The following SLC24A3 variants were observed in gnomAD, a reference collection of about 807,000 sequenced individuals.
SLC24A3 encodes the protein solute carrier family 24 member 3.
Under a neutral mutation model 75.8 loss-of-function variants are expected in SLC24A3, and 28 were observed. The observed-to-expected ratio is 0.37, with a 90% confidence interval of 0.27 to 0.51. The LOEUF (loss-of-function observed/expected upper bound fraction) is 0.51. SLC24A3 is among the 20% of genes least tolerant of loss of function. The probability of loss-of-function intolerance (pLI) is 0.94; values close to 1 mark genes in which losing one functional copy is unlikely to be tolerated. For synonymous variants in SLC24A3, 372 were observed against 334.1 expected, an observed-to-expected ratio of 1.11 and a Z score of -1.24; for missense variants, 663 against 847.8, an observed-to-expected ratio of 0.78 and a Z score of 2.71.
At chr20:19,634,213 T>A (rs2031972271) in intron 6 of SLC24A3, among the ~76,000 whole-genome samples, 1 of 152,240 alleles carries the variant, frequency 6.6e-6, no homozygotes. Flanking sequence ...GAAATGCTTA[T>A]TATCAAAGCA....
At chr20:19,617,564 T>C (rs2031752196) in intron 6 of SLC24A3, among the ~76,000 whole-genome samples, 1 of 152,204 alleles carries the variant, frequency 6.6e-6, no homozygotes, top group Non-Finnish European at 1.5e-5. Flanking sequence ...GACTTTTGTT[T>C]CAGGGAAGAT....
intron 2 of SLC24A3, among the ~76,000 whole-genome samples, chr20:19,457,287 A>C (rs1052011640): frequency 6.6e-6 from 1 of 152,178 alleles, no homozygotes; most frequent in Non-Finnish European, 1.5e-5. Context: ...CATTTGCTGC[A>C]TAACCTGGGG....
chr20:19,232,436 A>G (rs1460582605), intron 1 of SLC24A3, among the ~76,000 whole-genome samples: 1 of 152,250 alleles, frequency 6.6e-6, no homozygotes, highest in Non-Finnish European at 1.5e-5. Flanking sequence ...ATTTGAAATA[A>G]AGGTCACTGA....
At position 19,591,722 on chromosome 20, in the gene SLC24A3, A is replaced by T. The variant is rs112758711; in HGVS notation, c.612+6178A>T. Among the ~76,000 whole-genome samples, 385 of 152,300 alleles carry T rather than the reference A, an allele frequency of 2.5e-3. 4 individuals are homozygous for T. The highest frequency in any genetic ancestry group is 0.014 in the Middle Eastern group (4 of 294). On this transcript the variant is annotated intron_variant, in intron 6 of 16. Transcript: ENST00000328041. ...ACTAGTTACTCAATTGGTTTAGGTT[A>T]ATCAAGAACCACATACCCATTTCTC...
chr20:19,665,926 T>C, intron 8 of SLC24A3, 37 bp downstream of exon 8: 1 of 1,608,046 alleles, frequency 6.2e-7, no homozygotes, highest in African/African-American at 1.3e-5. Context: ...TTTCTGAATG[T>C]TATGTTGCAG....
intron 2 of SLC24A3, among the ~76,000 whole-genome samples, chr20:19,297,706 T>C (rs1984094266): frequency 1.3e-5 from 2 of 152,244 alleles, no homozygotes; most frequent in African/African-American, 4.8e-5. Context: ...CATGTATTTC[T>C]CTTCAGGAAA....
At chr20:19,713,599 T>C (rs1224922486) in intron 15 of SLC24A3, among the ~76,000 whole-genome samples, 1 of 151,968 alleles carries the variant, frequency 6.6e-6, no homozygotes, top group East Asian at 1.9e-4. Context: ...AGGTGGAGGG[T>C]AAAGTCAGAC....
intron 6 of SLC24A3, among the ~76,000 whole-genome samples, chr20:19,618,964 C>T (rs1216859022): frequency 2.0e-5 from 3 of 152,272 alleles, no homozygotes; most frequent in Non-Finnish European, 2.9e-5. Flanking sequence ...TGTAAAACCA[C>T]GGCAGGGTGA....
At chr20:19,239,134 AAAAAC>A (rs1982258794) in intron 1 of SLC24A3, among the ~76,000 whole-genome samples, 1 of 151,632 alleles carries the variant, frequency 6.6e-6, no homozygotes, top group African/African-American at 2.4e-5. Context: ...AAAAAAAAAA[AAAAAC>A]AACACAGAGT....
intron 3 of SLC24A3, among the ~76,000 whole-genome samples, chr20:19,556,260 C>G (rs1033888486): frequency 6.6e-6 from 1 of 152,118 alleles, no homozygotes; most frequent in African/African-American, 2.4e-5. Context: ...CCAGAGTTGC[C>G]TGTTTCTCAT....
At chr20:19,400,841 T>A (rs4814849) in intron 2 of SLC24A3, among the ~76,000 whole-genome samples, 48,895 of 152,128 alleles carry the variant, frequency 0.32, 9,477 homozygotes, top group Middle Eastern at 0.53. Context: ...TGCCCTTTTG[T>A]GCCTGATATC....
chr20:19,593,876 C>T (rs751469055), intron 6 of SLC24A3, among the ~76,000 whole-genome samples: 12 of 152,170 alleles, frequency 7.9e-5, no homozygotes, highest in Non-Finnish European at 1.6e-4. Context: ...TGCCTTCTTC[C>T]GCACTGCTGC....
chr20:19,360,208 T>C (rs1985761343), intron 2 of SLC24A3, among the ~76,000 whole-genome samples: 1 of 152,254 alleles, frequency 6.6e-6, no homozygotes, highest in African/African-American at 2.4e-5. Context: ...TACCATCTTA[T>C]GTTTGCAGTC....
intron 2 of SLC24A3, among the ~76,000 whole-genome samples, chr20:19,336,038 A>T (rs1418418173): frequency 1.3e-5 from 2 of 152,256 alleles, no homozygotes; most frequent in Non-Finnish European, 2.9e-5. Context: ...AGTAAGAAAT[A>T]ATTAGTCATT....
chr20:19,521,734 T>C (rs1031411962), intron 3 of SLC24A3, among the ~76,000 whole-genome samples: 3 of 152,162 alleles, frequency 2.0e-5, no homozygotes, highest in Non-Finnish European at 4.4e-5. Context: ...ATTATTTCCC[T>C]GGGTGCACTC....
At chr20:19,557,093 C>T (rs1442241816) in intron 3 of SLC24A3, among the ~76,000 whole-genome samples, 1 of 152,150 alleles carries the variant, frequency 6.6e-6, no homozygotes, top group African/African-American at 2.4e-5. Flanking sequence ...GTCTGCAGCT[C>T]ATGCACTCAG....
chr20:19,363,852 C>T (rs1185557028), intron 2 of SLC24A3, among the ~76,000 whole-genome samples: 3 of 152,110 alleles, frequency 2.0e-5, no homozygotes, highest in African/African-American at 4.8e-5. Context: ...GGCCAGTTTG[C>T]AACTTGAGAG....
At chr20:19,670,274 A>ATG (rs998010508) in intron 8 of SLC24A3, among the ~76,000 whole-genome samples, 7 of 152,104 alleles carry the variant, frequency 4.6e-5, no homozygotes, top group African/African-American at 1.7e-4. Flanking sequence ...CAGGTCAAAA[A>ATG]TGCATGAGGA....
chr20:19,481,241 A>T (rs1988048347), intron 2 of SLC24A3, among the ~76,000 whole-genome samples: 1 of 152,206 alleles, frequency 6.6e-6, no homozygotes, highest in Non-Finnish European at 1.5e-5. Flanking sequence ...TGCCCAAAGT[A>T]TGTTGAAGAA....
Sources: allele counts gnomAD v4.1 joint callset (sites outside exome capture counted in the v4.1 genomes callset), GRCh38; gene constraint gnomAD v4.1.1; transcripts MANE v1.5; gene names NCBI Gene and HGNC (gene_info 2026-07-23, HGNC 2026-07-21).